The following GLB1L3 variants were observed in gnomAD, a reference collection of about 807,000 sequenced individuals.
GLB1L3 encodes the protein galactosidase beta 1 like 3, also known as beta-galactosidase-1-like protein 3.
A neutral mutation model predicts 89.5 loss-of-function variants in GLB1L3; 89 were observed. That is an observed-to-expected ratio of 0.99 (90% confidence interval 0.84 to 1.19). The LOEUF is 1.19. GLB1L3 is among the 50% of genes most tolerant of loss of function. GLB1L3 has a pLI of 0.00. For missense variants in GLB1L3, 812 were observed against 813.3 expected (o/e 1.00, Z 0.02); for synonymous variants, 314 against 312.3 (o/e 1.01, Z -0.06).
At chr11:134,312,941 G>A in intron 15 of GLB1L3, 54 bp downstream of exon 15, 1 of 1,226,636 alleles carries the variant, frequency 8.2e-7, no homozygotes, top group South Asian at 1.3e-5. Context: ...AATGCAGACG[G>A]AGCCTGGTCC....
At chr11:134,304,238 A>G (rs1942081299) in intron 9 of GLB1L3, among the ~76,000 whole-genome samples, 1 of 151,874 alleles carries the variant, frequency 6.6e-6, no homozygotes, top group Non-Finnish European at 1.5e-5. Flanking sequence ...TGCTATTTGG[A>G]TACTTTCTTC....
chr11:134,282,690 C>G (rs989706475), intron 5 of GLB1L3, among the ~76,000 whole-genome samples: 1 of 152,318 alleles, frequency 6.6e-6, no homozygotes, highest in East Asian at 1.9e-4. Context: ...GCCCAGACTG[C>G]TGAGGGTCAG....
intron 6 of GLB1L3, among the ~76,000 whole-genome samples, chr11:134,284,112 G>C (rs1045539544): frequency 2.6e-5 from 4 of 152,140 alleles, no homozygotes; most frequent in African/African-American, 9.7e-5. Flanking sequence ...TATTCCTCAA[G>C]CTTGCCAATC....
rs1000909204 is a variant in GLB1L3 at position 134,276,825 on chromosome 11, C to T, written c.23+62C>T. On this transcript the variant is annotated intron_variant, in intron 1 of 19. Transcript: ENST00000431683. ...ACCCCGGCGCGTGCCCGGGAGCCTCCACCCTCCCCGGGTTCTGTGGCCGGC... is the reference window on the plus strand; with the variant it reads ...ACCCCGGCGCGTGCCCGGGAGCCTCTACCCTCCCCGGGTTCTGTGGCCGGC... The T allele has an allele frequency of 7.6e-6, 10 of 1,313,804 alleles. No homozygotes were observed. The African/African-American group carries it at 1.1e-4, about 14-fold the overall frequency. The allele number at this position is 1,313,804 out of a possible 1,614,324, so 81.4% of individuals were successfully genotyped here.
At chr11:134,308,810 C>T (rs1033363472) in intron 10 of GLB1L3, among the ~76,000 whole-genome samples, 11 of 152,212 alleles carry the variant, frequency 7.2e-5, no homozygotes, top group Admixed American at 3.3e-4. Flanking sequence ...TTAATACATT[C>T]ATTTAACAGA....
intron 3 of GLB1L3, among the ~76,000 whole-genome samples, chr11:134,279,140 C>T (rs1949319439): frequency 6.6e-6 from 1 of 152,100 alleles, no homozygotes; most frequent in Admixed American, 6.6e-5. Flanking sequence ...TCTTTTCTTA[C>T]TTATTGGAAA....
At chr11:134,299,728 G>A (rs1941843006) in intron 9 of GLB1L3, among the ~76,000 whole-genome samples, 1 of 152,146 alleles carries the variant, frequency 6.6e-6, no homozygotes, top group Non-Finnish European at 1.5e-5. Context: ...GAGGGAGAAA[G>A]GCTTCCCCTG....
At chr11:134,310,732 G>T (rs934472365) in intron 12 of GLB1L3, 81 bp downstream of exon 12, 1 of 1,084,820 alleles carries the variant, frequency 9.2e-7, no homozygotes, top group South Asian at 1.4e-5. Flanking sequence ...GAAGGCGTGG[G>T]TCTCCCTTGT....
At chr11:134,312,063 C>T (rs1172218761) in intron 13 of GLB1L3, 3 of 294,104 alleles carry the variant, frequency 1.0e-5, no homozygotes, top group Admixed American at 5.0e-5. Flanking sequence ...TCCCAAAGTG[C>T]TGGGATTACA....
intron 8 of GLB1L3, chr11:134,292,444 A>G (rs1213701892): frequency 2.3e-6 from 1 of 430,282 alleles, no homozygotes; most frequent in Admixed American, 3.6e-5. Flanking sequence ...ACACAGCAGC[A>G]CTGGAGCTCC....
At chr11:134,320,340 A>G (rs1413346945), downstream of GLB1L3, among the ~76,000 whole-genome samples, 1 of 152,192 alleles carries the variant, frequency 6.6e-6, no homozygotes, top group East Asian at 1.9e-4. Context: ...TACCTCCACA[A>G]TTCTACATAA....
intron 10 of GLB1L3, among the ~76,000 whole-genome samples, chr11:134,308,372 C>CAAAT (rs1942416312): frequency 1.2e-5 from 1 of 86,348 alleles, no homozygotes; most frequent in Non-Finnish European, 2.2e-5. Flanking sequence ...CCACCACCAC[C>CAAAT]ACCACCATCA....
intron 10 of GLB1L3, among the ~76,000 whole-genome samples, chr11:134,308,223 TCACCACCACCACCATCAC>T (rs1942337547): frequency 3.6e-5 from 1 of 27,554 alleles, no homozygotes; most frequent in Non-Finnish European, 6.8e-5. Flanking sequence ...ACCATCACCA[TCACCACCACCACCATCAC>T]CATCACCACC....
intron 18 of GLB1L3, among the ~76,000 whole-genome samples, chr11:134,318,249 C>T (rs912013188): frequency 1.3e-5 from 2 of 152,100 alleles, no homozygotes; most frequent in African/African-American, 4.8e-5. Context: ...AGATCTTGAT[C>T]CTGTAATTCT....
intron 14 of GLB1L3, among the ~76,000 whole-genome samples, 157 bp downstream of exon 14, chr11:134,312,646 G>C (rs1263884356): frequency 6.6e-6 from 1 of 152,148 alleles, no homozygotes; most frequent in Non-Finnish European, 1.5e-5. Context: ...CTTGCTTTCT[G>C]CTTTATCACC....
Position 134,310,292 on chromosome 11 carries a change from C to T in GLB1L3, c.1100-279C>T, listed in dbSNP as rs561254132. 221 of 472,514 alleles carry T rather than the reference C, an allele frequency of 4.7e-4. 1 individual carries two copies. The East Asian group carries it at 5.7e-3, about 12-fold the overall frequency. 29.3% of individuals were successfully genotyped at this position (472,514 alleles called of 1,614,324 possible). On this transcript the variant is annotated intron_variant, in intron 11 of 19. Coordinates refer to ENST00000431683, the MANE Select transcript of GLB1L3 (RefSeq NM_001080407.3). The stretch of plus-strand genomic sequence containing the variant: ...GGCTGCATTCAAAGCCATCCTGGGC[C>T]GCCTGTAGCCCATGAGCTGTGGGTT...
At chr11:134,281,496 T>C (rs1940683012) in intron 4 of GLB1L3, 51 bp downstream of exon 4, 25 of 1,495,284 alleles carry the variant, frequency 1.7e-5, no homozygotes. Context: ...GGCACAGAGG[T>C]GGCTACTGGG....
intron 7 of GLB1L3, among the ~76,000 whole-genome samples, chr11:134,290,244 C>G (rs1239814618): frequency 6.7e-6 from 1 of 149,520 alleles, no homozygotes; most frequent in Non-Finnish European, 1.5e-5. Context: ...ATTATTTAAT[C>G]GGTTGTGTTC....
chr11:134,293,255 G>T, intron 9 of GLB1L3, 46 bp downstream of exon 9: 1 of 1,456,690 alleles, frequency 6.9e-7, no homozygotes. Context: ...CTCCTACCAT[G>T]ACCTCCCTTG....
Sources: allele counts gnomAD v4.1 joint callset (sites outside exome capture counted in the v4.1 genomes callset), GRCh38; gene constraint gnomAD v4.1.1; transcripts MANE v1.5; gene names NCBI Gene and HGNC (gene_info 2026-07-23, HGNC 2026-07-21).